Variants in CP observed in about 807,000 individuals in gnomAD.
The protein encoded by CP is caeruloplasmin.
Under a neutral mutation model 122.4 loss-of-function variants are expected in CP, and 64 were observed. The observed-to-expected ratio is 0.52, with a 90% CI of 0.43 to 0.64. The LOEUF is 0.64. Ranked by LOEUF, CP falls within the 30% of genes least tolerant of loss-of-function variation. The pLI, the probability that CP is intolerant of heterozygous loss-of-function variation, is 0.00. For synonymous variants in CP, 440 were observed against 436.4 expected, an observed-to-expected ratio of 1.01 and a Z score of -0.10; for missense variants, 1,167 against 1,284.4, an observed-to-expected ratio of 0.91 and a Z score of 1.40.
rs1362870541 is a variant in CP, at chr3:149,163,875, C to A, written c.*14-1000G>T. 4 of 1,581,938 alleles carry A rather than the reference C, an allele frequency of 2.5e-6. No homozygotes were observed. In the African/African-American group the frequency reaches 4.0e-5, roughly 16 times the overall value. ...CTGTAGTCATTATGGCTTAATTTAT[C>A]CATGGGTTCACGTCGTAATATCATC... is the stretch of plus-strand genomic sequence containing the variant. On this transcript the variant is annotated intron_variant, in intron 5 of 5. Transcript: ENST00000479771.
At position 149,199,711 on chromosome 3, in the gene CP, C is replaced by T; in HGVS notation, c.1501+1G>A. 1 of 1,614,060 alleles carries T rather than the reference C, an allele frequency of 6.2e-7. No homozygotes were observed. Among genetic ancestry groups the T allele is most frequent in the Non-Finnish European group, 8.5e-7 (1 of 1,180,006 alleles). On this transcript the variant is annotated splice_donor_variant, in intron 8 of 18. Transcript: ENST00000264613. LOFTEE classifies it high-confidence loss of function. ...TTTGTTACACAGTGCTGTATACTCA[C>T]TTCTGCTCTGGGGGTTGTAATTTGG...
At chr3:149,216,773 A>C (rs1001091182) in intron 1 of CP, among the ~76,000 whole-genome samples, 1 of 152,172 alleles carries the variant, frequency 6.6e-6, no homozygotes, top group Non-Finnish European at 1.5e-5. Context: ...CTGTGTTCTC[A>C]GGAGAAATAG....
chr3:149,217,397 A>G (rs895990372), intron 1 of CP, among the ~76,000 whole-genome samples: 1 of 152,204 alleles, frequency 6.6e-6, no homozygotes, highest in Non-Finnish European at 1.5e-5. Flanking sequence ...ACGTAAGCAA[A>G]CCAAAACCCA....
intron 11 of CP, 77 bp downstream of exon 11, chr3:149,186,443 A>G (rs563837261): frequency 9.4e-5 from 129 of 1,377,968 alleles, no homozygotes; most frequent in Non-Finnish European, 1.3e-4. Flanking sequence ...TTTATCACCC[A>G]ACACATTCTG....
At position 149,207,358 on chromosome 3, in the gene CP, C is replaced by G; in HGVS notation, c.1036+5G>C. ...GACTGCTAATTTCAGGTAAAGATGT[C>G]CTACCTTTCAGATGGTTTAGATTCT... On this transcript the variant is annotated splice_donor_5th_base_variant and intron_variant, in intron 5 of 18. Coordinates refer to ENST00000264613, the MANE Select transcript of CP (RefSeq NM_000096.4). 1 of 1,613,830 alleles carries G rather than the reference C, an allele frequency of 6.2e-7. No individual in the cohort carries two copies. Among genetic ancestry groups the G allele is most frequent in the Non-Finnish European group, 8.5e-7 (1 of 1,179,744 alleles).
chr3:149,181,120 C>T (rs1725745467), intron 14 of CP, among the ~76,000 whole-genome samples: 1 of 152,152 alleles, frequency 6.6e-6, no homozygotes, highest in Non-Finnish European at 1.5e-5. Flanking sequence ...CCAACAGCCC[C>T]TTAAAAGGTG....
Position 149,188,039 on chromosome 3 carries a change from A to T in CP, c.1864+13T>A, listed in dbSNP as rs1726287645. 1 of 1,611,352 alleles carries T rather than the reference A, an allele frequency of 6.2e-7. No individual in the cohort carries two copies. Among genetic ancestry groups the T allele is most frequent in the Non-Finnish European group, 8.5e-7 (1 of 1,179,592 alleles). ...AAATAACTTGGTAGATTGGTGGATG[A>T]TGCAGTACTTACAGTGCATTTTATT... is the stretch of plus-strand genomic sequence containing the variant. On this transcript the variant is annotated intron_variant, in intron 10 of 18. Transcript: ENST00000264613.
rs1438834168 is a variant in CP, at chr3:149,178,620, A to G, written c.2673T>C (p.Ser891=). Residue 891 remains serine (S), a synonymous_variant, in exon 16 of 19, where the codon AGT becomes AGC. Transcript: ENST00000264613. ...AAACAATCAGGGGGCCAATTAATCC[A>G]CTGTAGAGGTCCTGGAAACAAGAAA... ...STVDQVKDLY[S]GLIGPLIVCR... is the part of the protein sequence containing the mutation. 6.2e-7 allele frequency: 1 copy of G among 1,610,430 alleles called. No homozygotes were observed. The highest frequency in any genetic ancestry group is 8.5e-7 in the Non-Finnish European group (1 of 1,177,152).
chr3:149,188,001 A>G (rs1320060629), intron 10 of CP, 51 bp downstream of exon 10: 2 of 1,588,730 alleles, frequency 1.3e-6, no homozygotes, highest in East Asian at 4.5e-5. Flanking sequence ...AAAGCATTAC[A>G]TATGCAGTAC....
intron 5 of CP, among the ~76,000 whole-genome samples, chr3:149,165,273 T>C (rs1724303167): frequency 6.6e-6 from 1 of 152,192 alleles, no homozygotes; most frequent in Non-Finnish European, 1.5e-5. Context: ...AAAATTGTAA[T>C]TGGAATAAGT....
chr3:149,183,360 T>C, intron 13 of CP, 106 bp downstream of exon 13: 1 of 1,181,688 alleles, frequency 8.5e-7, no homozygotes, highest in Non-Finnish European at 1.2e-6. Context: ...TGAACAACTT[T>C]GATATATGAA....
chr3:149,199,200 C>T (rs1223514624), intron 8 of CP, among the ~76,000 whole-genome samples: 2 of 151,938 alleles, frequency 1.3e-5, no homozygotes, highest in Non-Finnish European at 2.9e-5. Flanking sequence ...CCTTGTAATG[C>T]TAAGAGAACA....
intron 1 of CP, among the ~76,000 whole-genome samples, chr3:149,214,399 T>C (rs1445784709): frequency 6.6e-6 from 1 of 152,120 alleles, no homozygotes; most frequent in Non-Finnish European, 1.5e-5. Context: ...TCCTAGTCAC[T>C]ACCATATACC....
chr3:149,190,656 T>TAA (rs146345788), intron 9 of CP, among the ~76,000 whole-genome samples: 16 of 64,020 alleles, frequency 2.5e-4, no homozygotes, highest in South Asian at 6.8e-4. Context: ...AGACTCTGTC[T>TAA]AAAAAAAAAA....
chr3:149,191,542 G>T (rs1726551077), intron 9 of CP, among the ~76,000 whole-genome samples: 1 of 140,256 alleles, frequency 7.1e-6, no homozygotes, highest in Non-Finnish European at 1.5e-5. Context: ...AAACAGAGAT[G>T]TTCTCATTAA....
rs1725103740 is a variant in CP at position 149,172,498 on chromosome 3, AT to A, written c.*1215del. The A allele has an allele frequency of 6.4e-6, 2 of 311,110 alleles. No individual in the cohort carries two copies. The highest frequency in any genetic ancestry group is 1.2e-5 in the Non-Finnish European group (2 of 161,892). 19.3% of individuals were successfully genotyped at this position (311,110 alleles called of 1,614,324 possible). A position where few individuals can be genotyped will look rare whatever the true frequency, so the allele number is the denominator to read the frequency against. ...TAAGAATTCCTCAAAGAAGCCATAC[AT>A]TTTTTAAGGTGGGGATTGACTTTTA... On this transcript the variant is annotated 3_prime_UTR_variant, in exon 19 of 19. Coordinates refer to ENST00000264613, the MANE Select transcript of CP (RefSeq NM_000096.4).
intron 14 of CP, among the ~76,000 whole-genome samples, chr3:149,181,416 C>T (rs977783858): frequency 1.3e-5 from 2 of 152,118 alleles, no homozygotes; most frequent in African/African-American, 4.8e-5. Flanking sequence ...TAAAATAGCA[C>T]CCTTGCTACA....
At chr3:149,167,029 CAT>C (rs1224599600) in intron 4 of CP, 6 of 1,606,796 alleles carry the variant, frequency 3.7e-6, no homozygotes, top group Non-Finnish European at 5.1e-6. Context: ...CTTTTCTGTT[CAT>C]AGTCTCTTAT....
chr3:149,168,229 T>C (rs1214839940), downstream of CP: 5 of 450,704 alleles, frequency 1.1e-5, no homozygotes, highest in Non-Finnish European at 2.0e-5. Flanking sequence ...ATCACAGTCA[T>C]AGAAAATGAC....
Sources: allele counts gnomAD v4.1 joint callset (sites outside exome capture counted in the v4.1 genomes callset), GRCh38; gene constraint gnomAD v4.1.1; transcripts MANE v1.5; gene names NCBI Gene and HGNC (gene_info 2026-07-23, HGNC 2026-07-21).